The following PTPRM variants were observed in gnomAD, a reference collection of about 807,000 sequenced individuals.
The protein encoded by PTPRM is receptor-type tyrosine-protein phosphatase mu.
Under a neutral mutation model 186.7 loss-of-function variants are expected in PTPRM, and 47 were observed. The ratio of observed to expected loss-of-function variants is 0.25; its 90% CI spans 0.20 to 0.32. The LOEUF is 0.32. Among genes scored for constraint, PTPRM ranks in the 10% least tolerant of loss-of-function variants. PTPRM has a pLI of 1.00. For missense variants in PTPRM, 1,494 were observed against 1,865.0 expected (o/e 0.80, Z 3.66); for synonymous variants, 668 against 674.9 (o/e 0.99, Z 0.16).
At position 8,240,681 on chromosome 18, in the gene PTPRM, AAGAAAGAG is replaced by A. The variant is rs1293498244; in HGVS notation, c.2301-3361_2301-3354del. 7.7e-3 allele frequency among the ~76,000 whole-genome samples: 678 copies of A among 87,558 alleles called. 56 individuals are homozygous for A. The highest frequency in any genetic ancestry group is 0.032 in the African/African-American group (641 of 20,134). 57.4% of individuals were successfully genotyped at this position (87,558 alleles called of 152,430 possible). A position where few individuals can be genotyped will look rare whatever the true frequency, so the allele number is the denominator to read the frequency against. On this transcript the variant is annotated intron_variant, in intron 14 of 32. Coordinates refer to ENST00000580170, the MANE Select transcript of PTPRM (RefSeq NM_001105244.2). ...AGAAAGAAAGAAAGAAAGAAAGAAA[AAGAAAGAG>A]AGAAAGAGAGAAAGAAAGAAGGAAA...
Position 8,169,786 on chromosome 18 carries a change from A to G in PTPRM, c.2300+26007A>G, listed in dbSNP as rs1454064248. On this transcript the variant is annotated intron_variant, in intron 14 of 32. Coordinates refer to ENST00000580170, the MANE Select transcript of PTPRM (RefSeq NM_001105244.2). Reference sequence around the variant, plus strand: ...GCTCAATGGATACAAATTTTCCAAGATGTTATTTTTTTCTTAATGTTGGGT... The same window carrying G: ...GCTCAATGGATACAAATTTTCCAAGGTGTTATTTTTTTCTTAATGTTGGGT... Among the ~76,000 whole-genome samples, 6 of 152,212 alleles carry G rather than the reference A, an allele frequency of 3.9e-5. No homozygotes were observed. The East Asian group carries it at 5.8e-4, about 15-fold the overall frequency.
intron 13 of PTPRM, among the ~76,000 whole-genome samples, chr18:8,135,710 ACT>A (rs1446484932): frequency 2.0e-5 from 3 of 152,002 alleles, no homozygotes; most frequent in Non-Finnish European, 2.9e-5. Flanking sequence ...CATGACTTCC[ACT>A]CTCTCCTAAG....
chr18:8,220,133 T>C (rs1007732507), intron 14 of PTPRM, among the ~76,000 whole-genome samples: 3 of 152,130 alleles, frequency 2.0e-5, no homozygotes, highest in Non-Finnish European at 4.4e-5. Context: ...TATAAAGAAT[T>C]GCAAATTTTA....
At chr18:7,976,482 A>T (rs2054949432) in intron 7 of PTPRM, among the ~76,000 whole-genome samples, 1 of 152,228 alleles carries the variant, frequency 6.6e-6, no homozygotes, top group Admixed American at 6.5e-5. Context: ...GTTCGTTGGT[A>T]CGATGTGTTG....
In PTPRM at chr18:8,261,998, G is replaced by A. The variant is rs536055003; in HGVS notation, c.2754+8584G>A. On this transcript the variant is annotated intron_variant, in intron 19 of 32. Transcript: ENST00000580170. ...AACGTGCCCGTGTGCCAGCATCTGC[G>A]GACCTTATGTGTGTCTGGTACTGGT... is the stretch of plus-strand genomic sequence containing the variant. Among the ~76,000 whole-genome samples the A allele has an allele frequency of 1.7e-4, 25 of 149,988 alleles. No homozygotes were observed. The East Asian group carries it at 4.0e-3, about 24-fold the overall frequency.
chr18:7,809,640 C>T (rs1029335938), intron 2 of PTPRM, among the ~76,000 whole-genome samples: 2 of 152,140 alleles, frequency 1.3e-5, no homozygotes, highest in African/African-American at 4.8e-5. Flanking sequence ...GGCCTGAGGG[C>T]CCAGCGCCTC....
intron 7 of PTPRM, among the ~76,000 whole-genome samples, chr18:7,996,862 C>T (rs2083568484): frequency 6.7e-6 from 1 of 149,696 alleles, no homozygotes; most frequent in Admixed American, 6.7e-5. Flanking sequence ...AGTGAAACCT[C>T]TAAAACACTA....
intron 7 of PTPRM, among the ~76,000 whole-genome samples, chr18:8,068,955 A>C (rs1297389): frequency 0.48 from 72,934 of 151,516 alleles, 17,823 homozygotes; most frequent in Non-Finnish European, 0.54. Flanking sequence ...CACACACACA[A>C]AAAAATTAGC....
At chr18:7,579,180 A>G (rs2036779762) in intron 1 of PTPRM, among the ~76,000 whole-genome samples, 2 of 152,232 alleles carry the variant, frequency 1.3e-5, no homozygotes, top group Admixed American at 1.3e-4. Flanking sequence ...GCATCATGAA[A>G]AGCCAGCACT....
intron 19 of PTPRM, among the ~76,000 whole-genome samples, chr18:8,269,025 C>A (rs1438201972): frequency 1.3e-5 from 2 of 152,002 alleles, no homozygotes; most frequent in African/African-American, 4.8e-5. Context: ...CCCACTCTCA[C>A]CAGTTCTGTT....
chr18:8,376,800 T>C (rs567703420), intron 26 of PTPRM: 1 of 631,606 alleles, frequency 1.6e-6, no homozygotes, highest in Non-Finnish European at 2.5e-6. Context: ...CCCAGGAGTT[T>C]TCCAGGTAAC....
rs1432196783 is a variant in PTPRM at position 8,064,441 on chromosome 18, T to TA, written c.1133-5244dup. On this transcript the variant is annotated intron_variant, in intron 7 of 32. Coordinates refer to ENST00000580170, the MANE Select transcript of PTPRM (RefSeq NM_001105244.2). ...AAATTTGGCCTATTTGTTAGGAAGA[T>TA]ACTATTCTCCCTTATATAGGATTGT... 5.9e-5 allele frequency among the ~76,000 whole-genome samples: 9 copies of TA among 152,246 alleles called. No individual in the cohort carries two copies. The South Asian group carries it at 1.9e-3, about 32-fold the overall frequency.
At chr18:8,214,297 T>C (rs140471944) in intron 14 of PTPRM, among the ~76,000 whole-genome samples, 2 of 152,320 alleles carry the variant, frequency 1.3e-5, no homozygotes, top group African/African-American at 4.8e-5. Flanking sequence ...AGAAAACTTT[T>C]AAAAAATTAT....
chr18:8,397,178 A>T (rs1267572349), intron 32 of PTPRM, among the ~76,000 whole-genome samples: 1 of 152,226 alleles, frequency 6.6e-6, no homozygotes, highest in South Asian at 2.1e-4. Context: ...CTAGGGTGCA[A>T]TAGAGGGGCC....
chr18:8,137,147 GT>G (rs2092656844), intron 13 of PTPRM, among the ~76,000 whole-genome samples: 1 of 152,156 alleles, frequency 6.6e-6, no homozygotes, highest in South Asian at 2.1e-4. Flanking sequence ...ATCTCTTAAG[GT>G]TTTTCAGCCT....
At chr18:7,767,419 G>A (rs144060734) in intron 1 of PTPRM, among the ~76,000 whole-genome samples, 25 of 152,262 alleles carry the variant, frequency 1.6e-4, no homozygotes, top group Non-Finnish European at 3.7e-4. Context: ...TGCTTTAAAT[G>A]GTAGACTCTA....
At position 8,379,745 on chromosome 18, in the gene PTPRM, C is replaced by G. The variant is rs1281102034; in HGVS notation, c.3786+405C>G. ...TCATTACTTCCTGCCAGTCTGTTTT[C>G]TTATTGCTATTCCGTTGATGCAAAG... On this transcript the variant is annotated intron_variant, in intron 28 of 32. Coordinates refer to ENST00000580170, the MANE Select transcript of PTPRM (RefSeq NM_001105244.2). 3.3e-5 allele frequency among the ~76,000 whole-genome samples: 5 copies of G among 152,298 alleles called. No individual in the cohort carries two copies. The East Asian group carries it at 9.6e-4, about 29-fold the overall frequency.
intron 1 of PTPRM, among the ~76,000 whole-genome samples, chr18:7,652,575 A>G (rs1461467768): frequency 1.3e-5 from 2 of 151,980 alleles, no homozygotes; most frequent in Non-Finnish European, 2.9e-5. Flanking sequence ...ATGCAGCCAT[A>G]AAAAATGATG....
chr18:8,254,596 G>C (rs1275319326), intron 19 of PTPRM, among the ~76,000 whole-genome samples: 2 of 152,168 alleles, frequency 1.3e-5, no homozygotes, highest in African/African-American at 2.4e-5. Context: ...ATCTTGTCTG[G>C]AATTAGAGTG....
Sources: gnomAD v4.1 joint callset for allele counts (sites outside exome capture counted in the v4.1 genomes callset) on GRCh38, gnomAD v4.1.1 for gene constraint, MANE v1.5 for transcripts, NCBI Gene and HGNC (gene_info 2026-07-23, HGNC 2026-07-21) for gene names.